The following SLC24A2 variants were observed in gnomAD, a reference collection of about 807,000 sequenced individuals.
SLC24A2 encodes sodium/potassium/calcium exchanger 2.
A neutral mutation model predicts 62.0 loss-of-function variants in SLC24A2; 36 were observed. The ratio of observed to expected loss-of-function variants is 0.58; its 90% CI spans 0.44 to 0.77. SLC24A2 has a LOEUF of 0.77. Ranked by LOEUF, SLC24A2 falls within the 30% of genes least tolerant of loss-of-function variation. SLC24A2 has a pLI of 0.00. For missense variants in SLC24A2, 846 were observed against 817.9 expected, an observed-to-expected ratio of 1.03 and a Z score of -0.42; for synonymous variants, 358 against 294.0, an observed-to-expected ratio of 1.22 and a Z score of -2.23.
the SLC24A2 span, among the ~76,000 whole-genome samples, chr9:20,069,137 C>A: frequency 2.6e-5 from 4 of 152,106 alleles, no homozygotes; most frequent in Non-Finnish European, 2.9e-5. Context: ...CTCCCTTATC[C>A]AAGCAACCAC....
chr9:19,988,872 A>T, the SLC24A2 span, among the ~76,000 whole-genome samples: 3 of 152,286 alleles, frequency 2.0e-5, no homozygotes, highest in African/African-American at 7.2e-5. Flanking sequence ...AGGACATAAA[A>T]CATAAACATT....
the SLC24A2 span, among the ~76,000 whole-genome samples, chr9:20,220,832 C>T: frequency 9.4e-4 from 143 of 152,226 alleles, no homozygotes; most frequent in Non-Finnish European, 1.6e-3. Flanking sequence ...TTCCCCAACC[C>T]TCACCTACCT....
intron 3 of SLC24A2, among the ~76,000 whole-genome samples, chr9:19,621,894 G>A (rs1050536606): frequency 6.6e-6 from 1 of 152,046 alleles, no homozygotes; most frequent in African/African-American, 2.4e-5. Flanking sequence ...GTATGTGCAT[G>A]CAGATACACA....
chr9:19,767,772 G>A (rs1376804431), intron 2 of SLC24A2, among the ~76,000 whole-genome samples: 4 of 152,170 alleles, frequency 2.6e-5, no homozygotes, highest in Non-Finnish European at 5.9e-5. Context: ...GAACTTATCT[G>A]TAAAATCTCT....
the SLC24A2 span, among the ~76,000 whole-genome samples, chr9:20,167,026 G>T: frequency 6.6e-6 from 1 of 151,764 alleles, no homozygotes; most frequent in African/African-American, 2.4e-5. Flanking sequence ...TTTTGTAGAG[G>T]CTGGTTTTGA....
At chr9:19,700,807 T>G (rs760609432) in intron 2 of SLC24A2, among the ~76,000 whole-genome samples, 5 of 152,200 alleles carry the variant, frequency 3.3e-5, no homozygotes, top group Admixed American at 2.0e-4. Flanking sequence ...CCACATGCTT[T>G]GAAATTTTGT....
At chr9:20,252,485 A>G in the SLC24A2 span, among the ~76,000 whole-genome samples, 12 of 152,270 alleles carry the variant, frequency 7.9e-5, no homozygotes, top group Middle Eastern at 3.4e-3. Context: ...TCTTTCTACT[A>G]CACCACGTGA....
At chr9:19,949,194 A>G in the SLC24A2 span, among the ~76,000 whole-genome samples, 712 of 152,108 alleles carry the variant, frequency 4.7e-3, 10 homozygotes, top group African/African-American at 0.016. Context: ...CGGTTTCACC[A>G]TGTTGGCCAG....
At chr9:20,203,910 A>G in the SLC24A2 span, among the ~76,000 whole-genome samples, 1 of 152,222 alleles carries the variant, frequency 6.6e-6, no homozygotes, top group African/African-American at 2.4e-5. Flanking sequence ...GTATTTATTC[A>G]ACACGTATTT....
the SLC24A2 span, among the ~76,000 whole-genome samples, chr9:20,256,465 TG>T: frequency 1.3e-5 from 2 of 152,206 alleles, no homozygotes; most frequent in African/African-American, 2.4e-5. Flanking sequence ...GTAGAGTGTC[TG>T]GGCCTGCACT....
chr9:20,113,960 T>G, the SLC24A2 span, among the ~76,000 whole-genome samples: 1 of 152,232 alleles, frequency 6.6e-6, no homozygotes, highest in African/African-American at 2.4e-5. Flanking sequence ...GGGAAACAAA[T>G]GAGGTGAACC....
At chr9:20,299,692 A>G in the SLC24A2 span, among the ~76,000 whole-genome samples, 1 of 152,228 alleles carries the variant, frequency 6.6e-6, no homozygotes, top group African/African-American at 2.4e-5. Context: ...GACCAAATTC[A>G]GGTTTAACTT....
chr9:19,858,625 T>C, the SLC24A2 span, among the ~76,000 whole-genome samples: 2 of 152,138 alleles, frequency 1.3e-5, no homozygotes, highest in Non-Finnish European at 2.9e-5. Flanking sequence ...ATCTAGAAGA[T>C]TCATTTAAGG....
chr9:19,701,342 G>A (rs1256636060), intron 2 of SLC24A2, among the ~76,000 whole-genome samples: 1 of 152,156 alleles, frequency 6.6e-6, no homozygotes, highest in Non-Finnish European at 1.5e-5. Flanking sequence ...ATTTCTAACT[G>A]CCAGCGTCTA....
the SLC24A2 span, among the ~76,000 whole-genome samples, chr9:20,071,135 A>C: frequency 6.6e-6 from 1 of 151,994 alleles, no homozygotes; most frequent in Non-Finnish European, 1.5e-5. Context: ...TCCTGAGGCC[A>C]CTCTAGAAGC....
chr9:20,108,659 G>A, the SLC24A2 span, among the ~76,000 whole-genome samples: 1 of 150,784 alleles, frequency 6.6e-6, no homozygotes. Flanking sequence ...GAGAACACAT[G>A]GACACAGGAA....
At chr9:20,246,216 G>A in the SLC24A2 span, among the ~76,000 whole-genome samples, 6 of 152,290 alleles carry the variant, frequency 3.9e-5, no homozygotes, top group South Asian at 1.2e-3. Flanking sequence ...TGTACCTGAT[G>A]CTGTTTCAGA....
chr9:20,034,352 C>T, the SLC24A2 span, among the ~76,000 whole-genome samples: 217 of 151,444 alleles, frequency 1.4e-3, no homozygotes, highest in Non-Finnish European at 2.9e-3. Flanking sequence ...CTCTGTGGTA[C>T]TGCATTACTT....
the SLC24A2 span, among the ~76,000 whole-genome samples, chr9:20,045,168 C>T: frequency 7.2e-5 from 11 of 152,264 alleles, no homozygotes; most frequent in South Asian, 2.1e-4. Flanking sequence ...TTACTATATG[C>T]TAGACCCTGT....
Sources: gnomAD v4.1 joint callset for allele counts (sites outside exome capture counted in the v4.1 genomes callset) on GRCh38, gnomAD v4.1.1 for gene constraint, MANE v1.5 for transcripts, NCBI Gene and HGNC (gene_info 2026-07-23, HGNC 2026-07-21) for gene names.